The following GSTA5 variants were observed in gnomAD, a reference collection of about 807,000 sequenced individuals.
GSTA5 encodes glutathione S-transferase A5.
In GSTA5, 25 loss-of-function variants were observed where a neutral mutation model predicts 21.8. That is an observed-to-expected ratio of 1.14 (90% CI 0.83 to 1.60). The LOEUF is 1.60. Ranked by LOEUF, GSTA5 falls within the 40% of genes most tolerant of loss-of-function variation. The pLI, the probability that GSTA5 is intolerant of heterozygous loss-of-function variation, is 0.00. For missense variants in GSTA5, 330 were observed against 259.2 expected (o/e 1.27, Z -1.88); for synonymous variants, 102 against 89.5 (o/e 1.14, Z -0.78).
rs1764218876 is a variant in GSTA5, at chr6:52,831,831, C to T, written c.*17G>A. Reference sequence around the variant, plus strand: ...GAATATTGGTCTGGCATGTTCTTGGCCTCCATAGCTGCTTTATTAAAACCT... The same window carrying T: ...GAATATTGGTCTGGCATGTTCTTGGTCTCCATAGCTGCTTTATTAAAACCT... On this transcript the variant is annotated 3_prime_UTR_variant, in exon 6 of 6. Coordinates refer to ENST00000370989, the Ensembl canonical transcript of GSTA5. The T allele has an allele frequency of 1.9e-6, 3 of 1,613,470 alleles. No homozygotes were observed. Among genetic ancestry groups the T allele is most frequent in the East Asian group, 2.2e-5 (1 of 44,872 alleles).
chr6:52,831,851 A>C, exon 6 of GSTA5: 2 of 1,613,994 alleles, frequency 1.2e-6, no homozygotes, highest in Non-Finnish European at 1.7e-6. Context: ...TGCTTTATTA[A>C]AACCTGAAAA....
chr6:52,834,401 C>G (rs1479008341), intron 3 of GSTA5, 119 bp from the exon 4 acceptor site: 2 of 872,172 alleles, frequency 2.3e-6, no homozygotes, highest in African/African-American at 3.4e-5. Flanking sequence ...CCAGTTAGTG[C>G]CTTTTATACG....
chr6:52,831,770 A>G (rs1293364546), exon 6 of GSTA5: 4 of 1,537,282 alleles, frequency 2.6e-6, no homozygotes, highest in South Asian at 2.4e-5. Flanking sequence ...GGCACAATCC[A>G]CACTTAGGTA....
intron 5 of GSTA5, among the ~76,000 whole-genome samples, chr6:52,832,262 T>C (rs2127321875): frequency 6.6e-6 from 1 of 152,180 alleles, no homozygotes; most frequent in South Asian, 2.1e-4. Flanking sequence ...ACAAGAAAAA[T>C]CAATATGCCT....
chr6:52,844,743 C>T (rs574689465), upstream of GSTA5, among the ~76,000 whole-genome samples: 21 of 152,202 alleles, frequency 1.4e-4, no homozygotes, highest in East Asian at 1.2e-3. Context: ...AATGAGATAA[C>T]GTACAAAAAA....
intron 3 of GSTA5, among the ~76,000 whole-genome samples, chr6:52,834,589 G>A (rs1764267565): frequency 6.6e-6 from 1 of 152,110 alleles, no homozygotes; most frequent in Non-Finnish European, 1.5e-5. Flanking sequence ...GAGAGAAATT[G>A]GTGGAATCAC....
At chr6:52,834,514 G>C (rs1764266744) in intron 3 of GSTA5, among the ~76,000 whole-genome samples, 1 of 152,104 alleles carries the variant, frequency 6.6e-6, no homozygotes, top group South Asian at 2.1e-4. Flanking sequence ...AAGGTAGATA[G>C]ATCTCAAAAT....
At chr6:52,842,537 C>A (rs1764393206), upstream of GSTA5, among the ~76,000 whole-genome samples, 1 of 151,052 alleles carries the variant, frequency 6.6e-6, no homozygotes, top group Admixed American at 6.6e-5. Context: ...TCCCAAGTAG[C>A]TTGGATTACC....
At chr6:52,836,523 G>C (rs1048964535) in intron 2 of GSTA5, among the ~76,000 whole-genome samples, 155 bp from the exon 3 acceptor site, 1 of 152,074 alleles carries the variant, frequency 6.6e-6, no homozygotes, top group African/African-American at 2.4e-5. Flanking sequence ...TCCTTGTTTT[G>C]TTTTTTGAGA....
intron 1 of GSTA5, among the ~76,000 whole-genome samples, chr6:52,839,785 A>C (rs1268868787): frequency 6.6e-6 from 1 of 152,230 alleles, no homozygotes; most frequent in Non-Finnish European, 1.5e-5. Flanking sequence ...GGAGTCCCAC[A>C]GACACCTCCA....
chr6:52,832,927 G>A (rs976623160), exon 5 of GSTA5: 3 of 1,614,002 alleles, frequency 1.9e-6, no homozygotes, highest in African/African-American at 2.7e-5. Context: ...AGTTCCACCA[G>A]GTGAATGTCA....
intron 2 of GSTA5, among the ~76,000 whole-genome samples, chr6:52,836,809 G>T (rs1194514129): frequency 6.6e-6 from 1 of 152,182 alleles, no homozygotes; most frequent in Non-Finnish European, 1.5e-5. Flanking sequence ...ACCATACCCG[G>T]CCCAAACAAC....
At chr6:52,835,524 G>A (rs1047944990) in intron 3 of GSTA5, among the ~76,000 whole-genome samples, 4 of 152,006 alleles carry the variant, frequency 2.6e-5, no homozygotes, top group African/African-American at 9.7e-5. Context: ...GATTGTTTGG[G>A]GATATGCCTA....
At chr6:52,832,297 T>C (rs1373604651) in intron 5 of GSTA5, among the ~76,000 whole-genome samples, 1 of 152,190 alleles carries the variant, frequency 6.6e-6, no homozygotes, top group East Asian at 1.9e-4. Context: ...CAGATCAGTC[T>C]CTAAGCAGAA....
intron 1 of GSTA5, among the ~76,000 whole-genome samples, chr6:52,838,746 A>G (rs1034026332): frequency 5.3e-5 from 8 of 152,258 alleles, no homozygotes; most frequent in Non-Finnish European, 1.0e-4. Flanking sequence ...TGTTGTTATG[A>G]TCTGGTTCCA....
chr6:52,835,815 A>T (rs1181600958), intron 3 of GSTA5, among the ~76,000 whole-genome samples: 1 of 152,198 alleles, frequency 6.6e-6, no homozygotes, highest in African/African-American at 2.4e-5. Context: ...TCTTGGAATT[A>T]CTGGGACCTG....
At chr6:52,837,680 CT>C in intron 1 of GSTA5, 71 bp from the exon 2 acceptor site, 3 of 1,025,432 alleles carry the variant, frequency 2.9e-6, no homozygotes, top group Non-Finnish European at 4.5e-6. Flanking sequence ...TGAATGGCCC[CT>C]ATCTGGTGCA....
chr6:52,832,608 G>T (rs1454771914), intron 5 of GSTA5, among the ~76,000 whole-genome samples: 5 of 152,164 alleles, frequency 3.3e-5, no homozygotes, highest in Non-Finnish European at 7.3e-5. Context: ...AAGAGCTGCT[G>T]GGCACTGGGT....
At position 52,837,603 on chromosome 6, in the gene GSTA5, CT is replaced by C; in HGVS notation, c.93del (p.Glu32ArgfsTer4). On this transcript the variant is annotated frameshift_variant, in exon 2 of 6. Transcript: ENST00000370989. LOFTEE classifies it high-confidence loss of function. The stretch of plus-strand genomic sequence containing the variant: ...TCTTCTGCAGATTCTAGAAATTTCT[CT>C]TCCAACTGGAAGCAGAAACAGTAAA... 1 of 1,607,536 alleles carries C rather than the reference CT, an allele frequency of 6.2e-7. No homozygotes were observed. Among genetic ancestry groups the C allele is most frequent in the Non-Finnish European group, 8.5e-7 (1 of 1,174,462 alleles).
Sources: allele counts gnomAD v4.1 joint callset (sites outside exome capture counted in the v4.1 genomes callset), GRCh38; gene constraint gnomAD v4.1.1; transcripts MANE v1.5; gene names NCBI Gene and HGNC (gene_info 2026-07-23, HGNC 2026-07-21).